SIGLEC14: variants seen among roughly 807,000 people sequenced by gnomAD.
SIGLEC14 encodes the protein sialic acid binding Ig like lectin 14.
SIGLEC14 carries 11 observed loss-of-function variants against 34.2 expected under a neutral mutation model. That is an observed-to-expected ratio of 0.32 (90% CI 0.20 to 0.53). SIGLEC14 has a LOEUF of 0.53. SIGLEC14 is among the 20% of genes least tolerant of loss of function. The probability of loss-of-function intolerance (pLI) is 0.95; values close to 1 mark genes in which losing one functional copy is unlikely to be tolerated. For synonymous variants in SIGLEC14, 99 were observed against 179.7 expected (o/e 0.55, Z 3.59); for missense variants, 264 against 439.0 (o/e 0.60, Z 3.56).
At chr19:51,645,218 G>C (rs767259631) in intron 4 of SIGLEC14, among the ~76,000 whole-genome samples, 1 of 139,512 alleles carries the variant, frequency 7.2e-6, no homozygotes, top group Non-Finnish European at 1.5e-5. Context: ...AAATGGCTAA[G>C]ATGACAAATT....
At chr19:51,645,677 TTC>T (rs1984018770) in intron 3 of SIGLEC14, 103 bp downstream of exon 3, 3 of 1,416,918 alleles carry the variant, frequency 2.1e-6, no homozygotes. Context: ...CTGGTTATCA[TTC>T]TCTTTCTCTC....
chr19:51,643,028 A>C lies in SIGLEC14; in HGVS notation c.*327T>G, dbSNP rs1439830781. ...AACAGAGTGAGACTCTGTCTCAAAAAAAAAAAAAAAAAAAAAAGGTAACTT... is the reference window on the plus strand; with the variant it reads ...AACAGAGTGAGACTCTGTCTCAAAACAAAAAAAAAAAAAAAAAGGTAACTT... On this transcript the variant is annotated 3_prime_UTR_variant, in exon 7 of 7. Transcript: ENST00000360844. 6.7e-6 allele frequency: 1 copy of C among 150,292 alleles called. No homozygotes were observed. The allele number at this position is 150,292 out of a possible 1,614,324, so 9.3% of individuals were successfully genotyped here.
Position 51,643,974 on chromosome 19 carries a change from C to T in SIGLEC14, c.817G>A (p.Ala273Thr), listed in dbSNP as rs758347134. Residue 273 changes from alanine (A) to threonine (T), a missense_variant, in exon 5 of 7, where the codon GCC becomes ACC. Ala to Thr is a moderately conservative substitution (Grantham distance 58). Coordinates refer to ENST00000360844, the MANE Select transcript of SIGLEC14 (RefSeq NM_001098612.3). ...PIQEGQSLFL[A>T]CTVDSNPPAS... ...GGGGGGTTGCTGTCAACTGTGCAGG[C>T]GAGGAACAGGGACTGGCCCTCCTGG... 14 of 1,532,536 alleles carry T rather than the reference C, an allele frequency of 9.1e-6. 3 individuals carry two copies. Among genetic ancestry groups the T allele is most frequent in the Admixed American group, 1.7e-5 (1 of 57,842 alleles). The allele number at this position is 1,532,536 out of a possible 1,614,324, so 94.9% of individuals were successfully genotyped here. A position where few individuals can be genotyped will look rare whatever the true frequency, so the allele number is the denominator to read the frequency against.
chr19:51,643,994 T>C lies in SIGLEC14; in HGVS notation c.797A>G (p.Glu266Gly). 1.3e-6 allele frequency: 2 copies of C among 1,528,522 alleles called. No homozygotes were observed. Among genetic ancestry groups the C allele is most frequent in the Non-Finnish European group, 1.8e-6 (2 of 1,138,868 alleles). 94.7% of individuals were successfully genotyped at this position (1,528,522 alleles called of 1,614,324 possible). A position where few individuals can be genotyped will look rare whatever the true frequency, so the allele number is the denominator to read the frequency against. ...GCAGGCGAGGAACAGGGACTGGCCCTCCTGGATGGGCACCGACATGCCATT... is the reference window on the plus strand; with the variant it reads ...GCAGGCGAGGAACAGGGACTGGCCCCCCTGGATGGGCACCGACATGCCATT... ...LSNGMSVPIQEGQSLFLACTV... is the reference protein window; with the variant it reads ...LSNGMSVPIQGGQSLFLACTV... Residue 266 changes from glutamate (E) to glycine (G), a missense_variant, in exon 5 of 7, where the codon GAG (glutamate) becomes GGG (glycine). Coordinates refer to ENST00000360844, the MANE Select transcript of SIGLEC14 (RefSeq NM_001098612.3).
At chr19:51,643,457 G>GGGGGGGGGGGGT in intron 6 of SIGLEC14, 60 bp from the exon 7 acceptor site, 1 of 1,392,604 alleles carries the variant, frequency 7.2e-7, no homozygotes. Flanking sequence ...ATTCCAGGTG[G>GGGGGGGGGGGGT]GGCTGAGCTG....
In SIGLEC14 at chr19:51,645,964, C is replaced by T; in HGVS notation, c.518G>A (p.Gly173Glu). The T allele has an allele frequency of 3.5e-6, 5 of 1,415,340 alleles. No individual in the cohort carries two copies. Among genetic ancestry groups the T allele is most frequent in the Non-Finnish European group, 4.7e-6 (5 of 1,064,636 alleles). The allele number at this position is 1,415,340 out of a possible 1,614,324, so 87.7% of individuals were successfully genotyped here. A position where few individuals can be genotyped will look rare whatever the true frequency, so the allele number is the denominator to read the frequency against. The change falls in exon 3 of 7, where the codon GGA (glycine) becomes GAA (glutamate). Residue 173 changes from glycine (G) to glutamate (E), a missense_variant. Coordinates refer to ENST00000360844, the MANE Select transcript of SIGLEC14 (RefSeq NM_001098612.3). The part of the protein sequence containing the change: ...SCSLPGSCEA[G>E]PPLTFSWTGN... ...CGTCCAGGAGAATGTGAGAGGTGGT[C>T]CCGCTTCACAGGATCCTGGAAGGCT... is the stretch of plus-strand genomic sequence containing the variant.
chr19:51,645,328 A>G lies in SIGLEC14; in HGVS notation c.754+149T>C, dbSNP rs1387574121. On this transcript the variant is annotated intron_variant, in intron 4 of 6. Transcript: ENST00000360844. ...GAAATACTAGGTCTGTTCGTGCAAG[A>G]TCTTAGTGACTGGGATTGGGGGGTT... 1.6e-5 allele frequency: 10 copies of G among 641,280 alleles called. 4 individuals carry two copies. In the Middle Eastern group the frequency reaches 7.8e-4, roughly 50 times the overall value. The allele number at this position is 641,280 out of a possible 1,614,324, so 39.7% of individuals were successfully genotyped here. A position where few individuals can be genotyped will look rare whatever the true frequency, so the allele number is the denominator to read the frequency against.
rs1337591753 is a variant in SIGLEC14 at position 51,641,877 on chromosome 19, C to A, written c.*1478G>T. 1.4e-5 allele frequency among the ~76,000 whole-genome samples: 2 copies of A among 138,538 alleles called. No individual in the cohort carries two copies. The highest frequency in any genetic ancestry group is 3.1e-5 in the Non-Finnish European group (2 of 64,848). The allele number at this position is 138,538 out of a possible 152,430, so 90.9% of individuals were successfully genotyped here. On this transcript the variant is annotated 3_prime_UTR_variant, in exon 7 of 7. Coordinates refer to ENST00000360844, the MANE Select transcript of SIGLEC14 (RefSeq NM_001098612.3). ...TATCTGGGTGATGCAATAATCTGTACAACAAACTCCCATGACACTTTACCT... is the reference window on the plus strand; with the variant it reads ...TATCTGGGTGATGCAATAATCTGTAAAACAAACTCCCATGACACTTTACCT...
Position 51,645,550 on chromosome 19 carries a change from CA to C in SIGLEC14, c.701-21del. 6.5e-7 allele frequency: 1 copy of C among 1,529,704 alleles called. No homozygotes were observed. The highest frequency in any genetic ancestry group is 8.8e-7 in the Non-Finnish European group (1 of 1,138,200). 94.8% of individuals were successfully genotyped at this position (1,529,704 alleles called of 1,614,324 possible). ...GAGCATCTGGGATAGAAAGATACAG[CA>C]CCAGCTTCAGAGGTGACAAGAGGGA... On this transcript the variant is annotated intron_variant, in intron 3 of 6. Coordinates refer to ENST00000360844, the MANE Select transcript of SIGLEC14 (RefSeq NM_001098612.3).
chr19:51,644,776 G>A (rs562131200), intron 4 of SIGLEC14, among the ~76,000 whole-genome samples: 2 of 138,394 alleles, frequency 1.4e-5, no homozygotes, highest in Non-Finnish European at 3.1e-5. Flanking sequence ...ATCCGAGGGA[G>A]GTGGCTAAAT....
chr19:51,644,387 C>T (rs537750812), intron 4 of SIGLEC14, among the ~76,000 whole-genome samples: 2 of 137,894 alleles, frequency 1.5e-5, no homozygotes, highest in South Asian at 5.0e-4. Flanking sequence ...GAGGTAGAAG[C>T]AGGCTCAGAT....
In SIGLEC14 at chr19:51,643,354, C is replaced by T. The variant is rs761694035; in HGVS notation, c.*1G>A. 6.6e-7 allele frequency: 1 copy of T among 1,525,522 alleles called. No individual in the cohort carries two copies. Among genetic ancestry groups the T allele is most frequent in the East Asian group, 3.5e-5 (1 of 28,292 alleles). The allele number at this position is 1,525,522 out of a possible 1,614,324, so 94.5% of individuals were successfully genotyped here. A position where few individuals can be genotyped will look rare whatever the true frequency, so the allele number is the denominator to read the frequency against. Reference sequence around the variant, plus strand: ...TCAGTTCTGTCTTGAGCGGGAGGGGCTCAGCCAGGCCTCTCAGCCCTGCTC... The same window carrying T: ...TCAGTTCTGTCTTGAGCGGGAGGGGTTCAGCCAGGCCTCTCAGCCCTGCTC... On this transcript the variant is annotated 3_prime_UTR_variant, in exon 7 of 7. Coordinates refer to ENST00000360844, the MANE Select transcript of SIGLEC14 (RefSeq NM_001098612.3).
At position 51,645,355 on chromosome 19, in the gene SIGLEC14, G is replaced by A. The variant is rs559073793; in HGVS notation, c.754+122C>T. On this transcript the variant is annotated intron_variant, in intron 4 of 6. Coordinates refer to ENST00000360844, the MANE Select transcript of SIGLEC14 (RefSeq NM_001098612.3). ...CTTAGTGACTGGGATTGGGGGGTTG[G>A]GAGCAGGAAGGACCCAGACCCAGGG... The A allele has an allele frequency of 1.9e-5, 16 of 846,306 alleles. 1 individual carries two copies. The highest frequency in any genetic ancestry group is 6.6e-5 in the South Asian group (4 of 60,246). The allele number at this position is 846,306 out of a possible 1,614,324, so 52.4% of individuals were successfully genotyped here.
chr19:51,644,841 G>T (rs1435330202), intron 4 of SIGLEC14, among the ~76,000 whole-genome samples: 1 of 137,354 alleles, frequency 7.3e-6, no homozygotes, highest in Non-Finnish European at 1.5e-5. Flanking sequence ...GGAGGCATCA[G>T]GACAGGGTCA....
chr19:51,643,483 G>GGGGGGGGGGGGGGCCCCCCC, intron 6 of SIGLEC14, 54 bp downstream of exon 6: 1 of 1,297,888 alleles, frequency 7.7e-7, no homozygotes, highest in Non-Finnish European at 1.0e-6. Flanking sequence ...GGGCAGGACA[G>GGGGGGGGGGGGGGCCCCCCC]CTCAGCCCCA....
rs1425423863 is a variant in SIGLEC14, at chr19:51,641,110, A to G, written c.*2245T>C. 1.4e-5 allele frequency among the ~76,000 whole-genome samples: 2 copies of G among 139,284 alleles called. 1 individual carries two copies. The highest frequency in any genetic ancestry group is 3.1e-5 in the Non-Finnish European group (2 of 64,996). The allele number at this position is 139,284 out of a possible 152,430, so 91.4% of individuals were successfully genotyped here. On this transcript the variant is annotated 3_prime_UTR_variant, in exon 7 of 7. Coordinates refer to ENST00000360844, the MANE Select transcript of SIGLEC14 (RefSeq NM_001098612.3). ...GAGAGGAGAAACTGACAAATCCAAC[A>G]TTAGGATCAGAGACTTCAACATTCC...
rs2122123585 is a variant in SIGLEC14 at position 51,643,977 on chromosome 19, G to A, written c.814C>T (p.Leu272Phe). The change falls in exon 5 of 7, where the codon CTC becomes TTC. Residue 272 changes from leucine to phenylalanine, a missense_variant. By Grantham distance (22) the Leu-to-Phe change is conservative (BLOSUM62 0). Coordinates refer to ENST00000360844, the MANE Select transcript of SIGLEC14 (RefSeq NM_001098612.3). The part of the protein sequence containing the change: ...VPIQEGQSLF[L>F]ACTVDSNPPA... Reference sequence around the variant, plus strand: ...GGGTTGCTGTCAACTGTGCAGGCGAGGAACAGGGACTGGCCCTCCTGGATG... The same window carrying A: ...GGGTTGCTGTCAACTGTGCAGGCGAAGAACAGGGACTGGCCCTCCTGGATG... 1.3e-6 allele frequency: 2 copies of A among 1,532,740 alleles called. No individual in the cohort carries two copies. Among genetic ancestry groups the A allele is most frequent in the Middle Eastern group, 1.7e-4 (1 of 5,858 alleles). The allele number at this position is 1,532,740 out of a possible 1,614,324, so 94.9% of individuals were successfully genotyped here. A position where few individuals can be genotyped will look rare whatever the true frequency, so the allele number is the denominator to read the frequency against.
intron 6 of SIGLEC14, 54 bp downstream of exon 6, chr19:51,643,483 G>GGGCCCCCCCCCCC: frequency 2.3e-6 from 3 of 1,297,880 alleles, no homozygotes; most frequent in Non-Finnish European, 3.0e-6. Flanking sequence ...GGGCAGGACA[G>GGGCCCCCCCCCCC]CTCAGCCCCA....
chr19:51,643,346 G>T lies in SIGLEC14; in HGVS notation c.*9C>A, dbSNP rs764221159. 28 of 1,524,746 alleles carry T rather than the reference G, an allele frequency of 1.8e-5. 4 individuals carry two copies. Among genetic ancestry groups the T allele is most frequent in the South Asian group, 4.8e-5 (4 of 82,952 alleles). The allele number at this position is 1,524,746 out of a possible 1,614,324, so 94.5% of individuals were successfully genotyped here. On this transcript the variant is annotated 3_prime_UTR_variant, in exon 7 of 7. Transcript: ENST00000360844. The stretch of plus-strand genomic sequence containing the variant: ...TCCACACCTCAGTTCTGTCTTGAGC[G>T]GGAGGGGCTCAGCCAGGCCTCTCAG...
Sources: allele counts gnomAD v4.1 joint callset (sites outside exome capture counted in the v4.1 genomes callset), GRCh38; gene constraint gnomAD v4.1.1; transcripts MANE v1.5; gene names NCBI Gene and HGNC (gene_info 2026-07-23, HGNC 2026-07-21).